Variants in CD28 observed in about 807,000 individuals in gnomAD.
CD28 encodes CD28 molecule.
In CD28, 8 loss-of-function variants were observed where a neutral mutation model predicts 21.4. The observed-to-expected ratio is 0.37, with a 90% CI of 0.22 to 0.68. The LOEUF (loss-of-function observed/expected upper bound fraction) is 0.68. CD28 is among the 30% of genes least tolerant of loss of function. CD28 has a pLI of 0.55. For synonymous variants in CD28, 106 were observed against 104.0 expected (o/e 1.02, Z -0.12); for missense variants, 239 against 272.2 (o/e 0.88, Z 0.86).
Position 203,736,808 on chromosome 2 carries a change from G to A in CD28, c.*1896G>A, listed in dbSNP as rs191939709. ...TAAAATGGAGATAATGGTTACAAAT[G>A]TCTCTTCCTATAGTATAATCTCCAT... is the stretch of plus-strand genomic sequence containing the variant. On this transcript the variant is annotated 3_prime_UTR_variant, in exon 4 of 4. Coordinates refer to ENST00000324106, the MANE Select transcript of CD28 (RefSeq NM_006139.4). The A allele has an allele frequency of 2.0e-4, 30 of 152,296 alleles. No homozygotes were observed. In the East Asian group the frequency reaches 5.2e-3, roughly 26 times the overall value. 9.4% of individuals were successfully genotyped at this position (152,296 alleles called of 1,614,324 possible).
At chr2:203,711,305 C>T (rs1389339838) in intron 1 of CD28, among the ~76,000 whole-genome samples, 1 of 152,168 alleles carries the variant, frequency 6.6e-6, no homozygotes, top group Non-Finnish European at 1.5e-5. Flanking sequence ...AAGAGAAGTG[C>T]ACTGGATAGG....
At chr2:203,723,452 A>G (rs1693656196) in intron 1 of CD28, among the ~76,000 whole-genome samples, 1 of 151,750 alleles carries the variant, frequency 6.6e-6, no homozygotes, top group South Asian at 2.1e-4. Context: ...ATGCCACTGC[A>G]CTCCAGCCTG....
Position 203,733,195 on chromosome 2 carries a change from A to G in CD28, c.535-1589A>G, listed in dbSNP as rs573442371. Among the ~76,000 whole-genome samples the G allele has an allele frequency of 7.9e-5, 12 of 152,300 alleles. 1 individual carries two copies. In the South Asian group the frequency reaches 1.7e-3, roughly 21 times the overall value. ...TTTACAGAAAGGATGTAGAACCAAA[A>G]CAATTCTTCATTGCATTGTAGGATG... is the stretch of plus-strand genomic sequence containing the variant. On this transcript the variant is annotated intron_variant, in intron 3 of 3. Transcript: ENST00000324106.
At chr2:203,733,389 T>C (rs1287698517) in intron 3 of CD28, among the ~76,000 whole-genome samples, 2 of 152,058 alleles carry the variant, frequency 1.3e-5, no homozygotes, top group Non-Finnish European at 2.9e-5. Flanking sequence ...GCTGTATATA[T>C]GGTAGTGTCA....
rs1301432142 is a variant in CD28 at position 203,734,927 on chromosome 2, C to T, written c.*15C>T. On this transcript the variant is annotated 3_prime_UTR_variant, in exon 4 of 4. Coordinates refer to ENST00000324106, the MANE Select transcript of CD28 (RefSeq NM_006139.4). Reference sequence around the variant, plus strand: ...ATCGCTCCTGACACGGACGCCTATCCAGAAGCCAGCCGGCTGGCAGCCCCC... The same window carrying T: ...ATCGCTCCTGACACGGACGCCTATCTAGAAGCCAGCCGGCTGGCAGCCCCC... The T allele has an allele frequency of 2.5e-6, 4 of 1,612,546 alleles. No homozygotes were observed. The highest frequency in any genetic ancestry group is 3.4e-6 in the Non-Finnish European group (4 of 1,179,104).
At chr2:203,721,398 T>C (rs910529350) in intron 1 of CD28, among the ~76,000 whole-genome samples, 3 of 152,160 alleles carry the variant, frequency 2.0e-5, no homozygotes, top group Non-Finnish European at 2.9e-5. Flanking sequence ...ATCTTGTCTT[T>C]TGTAACTCAT....
chr2:203,734,127 A>G (rs969812722), intron 3 of CD28, among the ~76,000 whole-genome samples: 1 of 152,226 alleles, frequency 6.6e-6, no homozygotes, highest in Non-Finnish European at 1.5e-5. Flanking sequence ...TTCAGAAATG[A>G]TGTTCCTAAC....
chr2:203,722,509 G>C (rs1353870876), intron 1 of CD28, among the ~76,000 whole-genome samples: 1 of 152,154 alleles, frequency 6.6e-6, no homozygotes, highest in Non-Finnish European at 1.5e-5. Flanking sequence ...CCTAGCTGCT[G>C]ATAACAACAA....
intron 2 of CD28, among the ~76,000 whole-genome samples, chr2:203,728,732 A>G (rs1175745849): frequency 6.6e-6 from 1 of 152,186 alleles, no homozygotes; most frequent in African/African-American, 2.4e-5. Flanking sequence ...TGTAGCTAAG[A>G]GTGAAATATT....
chr2:203,727,340 T>TA (rs1432606581), intron 2 of CD28, among the ~76,000 whole-genome samples: 15 of 152,266 alleles, frequency 9.9e-5, no homozygotes, highest in Admixed American at 9.2e-4. Context: ...TCTAATGGGT[T>TA]AAGACTCAGG....
At chr2:203,734,193 C>T (rs1693966129) in intron 3 of CD28, among the ~76,000 whole-genome samples, 2 of 152,162 alleles carry the variant, frequency 1.3e-5, no homozygotes, top group Non-Finnish European at 2.9e-5. Flanking sequence ...GCCCTTACTT[C>T]CCTCACTTCT....
intron 1 of CD28, among the ~76,000 whole-genome samples, chr2:203,724,758 C>G (rs1693694321): frequency 1.3e-5 from 2 of 152,058 alleles, no homozygotes; most frequent in Admixed American, 1.3e-4. Context: ...CTTACCAAAA[C>G]CAAAACAAAA....
intron 1 of CD28, among the ~76,000 whole-genome samples, chr2:203,725,121 C>A (rs1693706623): frequency 6.6e-6 from 1 of 151,958 alleles, no homozygotes; most frequent in South Asian, 2.1e-4. Flanking sequence ...GAAACCCCGT[C>A]TCTACTAAAA....
At chr2:203,727,430 TTTCCTTCCTTCCTTCCTTCC>T (rs762878963) in intron 2 of CD28, among the ~76,000 whole-genome samples, 1 of 98,818 alleles carries the variant, frequency 1.0e-5, no homozygotes, top group Admixed American at 1.0e-4. Context: ...CCATTTTCTT[TTTCCTTCCTTCCTTCCTTCC>T]TTCCTTCCTT....
At position 203,735,060 on chromosome 2, in the gene CD28, A is replaced by C; in HGVS notation, c.*148A>C. 3.7e-6 allele frequency: 3 copies of C among 808,012 alleles called. No individual in the cohort carries two copies. Among genetic ancestry groups the C allele is most frequent in the Non-Finnish European group, 5.8e-6 (3 of 516,832 alleles). The allele number at this position is 808,012 out of a possible 1,614,324, so 50.1% of individuals were successfully genotyped here. A position where few individuals can be genotyped will look rare whatever the true frequency, so the allele number is the denominator to read the frequency against. On this transcript the variant is annotated 3_prime_UTR_variant, in exon 4 of 4. Coordinates refer to ENST00000324106, the MANE Select transcript of CD28 (RefSeq NM_006139.4). The stretch of plus-strand genomic sequence containing the variant: ...CCAATTTTTCTCGAGTGACTAGACC[A>C]AATATCAAGATCATTTTGAGACTCT...
In CD28 at chr2:203,726,629, C is replaced by T; in HGVS notation, c.53-4C>T. ...TCTAAGCAAATGATTTTTTTTTCCC[C>T]CAGGAAACAAGATTTTGGTGAAGCA... On this transcript the variant is annotated splice_region_variant and splice_polypyrimidine_tract_variant and intron_variant, in intron 1 of 3. Coordinates refer to ENST00000324106, the MANE Select transcript of CD28 (RefSeq NM_006139.4). 2.5e-6 allele frequency: 4 copies of T among 1,584,804 alleles called. No homozygotes were observed. The highest frequency in any genetic ancestry group is 1.8e-5 in the Admixed American group (1 of 54,250).
intron 1 of CD28, among the ~76,000 whole-genome samples, chr2:203,723,855 A>G (rs910494563): frequency 3.3e-5 from 5 of 152,250 alleles, no homozygotes; most frequent in Non-Finnish European, 7.3e-5. Context: ...AGTTAAACAT[A>G]GAGTTACCAT....
intron 1 of CD28, among the ~76,000 whole-genome samples, chr2:203,722,156 T>TAGA (rs1465827807): frequency 6.6e-6 from 1 of 152,040 alleles, no homozygotes; most frequent in African/African-American, 2.4e-5. Context: ...TAATTAGCAA[T>TAGA]AGAAACACAA....
intron 2 of CD28, among the ~76,000 whole-genome samples, chr2:203,728,102 G>T (rs1393236284): frequency 2.0e-5 from 3 of 152,196 alleles, no homozygotes; most frequent in African/African-American, 7.2e-5. Context: ...AAGCCACCGC[G>T]CCCAGCCCGT....
Sources: allele counts gnomAD v4.1 joint callset (sites outside exome capture counted in the v4.1 genomes callset), GRCh38; gene constraint gnomAD v4.1.1; transcripts MANE v1.5; gene names NCBI Gene and HGNC (gene_info 2026-07-23, HGNC 2026-07-21).